SREK1: variants seen among roughly 807,000 people sequenced by gnomAD.
SREK1 encodes the protein splicing regulatory glutamic acid and lysine rich protein 1.
SREK1 carries 13 observed loss-of-function variants against 66.5 expected under a neutral mutation model. The observed-to-expected ratio is 0.20, with a 90% CI of 0.13 to 0.31. The LOEUF is 0.31. Among genes scored for constraint, SREK1 ranks in the 10% least tolerant of loss-of-function variants. The pLI is 1.00. For missense variants in SREK1, 607 were observed against 769.6 expected, an observed-to-expected ratio of 0.79 and a Z score of 2.50; for synonymous variants, 265 against 263.5, an observed-to-expected ratio of 1.01 and a Z score of -0.05.
intron 9 of SREK1, among the ~76,000 whole-genome samples, chr5:66,173,119 C>T (rs1363575276): frequency 1.3e-5 from 2 of 152,014 alleles, no homozygotes; most frequent in Admixed American, 6.6e-5. Context: ...AGACGTGAGC[C>T]GCCACCGCCC....
chr5:66,150,008 C>A (rs1743635185), intron 1 of SREK1, among the ~76,000 whole-genome samples: 1 of 152,178 alleles, frequency 6.6e-6, no homozygotes, highest in Non-Finnish European at 1.5e-5. Context: ...CATTTCTTTG[C>A]ATACCTATTA....
At chr5:66,175,652 A>G (rs1746000184) in intron 10 of SREK1, among the ~76,000 whole-genome samples, 1 of 152,300 alleles carries the variant, frequency 6.6e-6, no homozygotes, top group Non-Finnish European at 1.5e-5. Context: ...TTTTTGAGAG[A>G]TATTTCCTAA....
chr5:66,155,080 C>T (rs1443926365), intron 2 of SREK1, among the ~76,000 whole-genome samples: 1 of 152,102 alleles, frequency 6.6e-6, no homozygotes, highest in African/African-American at 2.4e-5. Context: ...TTGGTTGAAA[C>T]CTGCTTTATT....
rs147922199 is a variant in SREK1 at position 66,174,066 on chromosome 5, A to T, written c.1485-880A>T. 1.2e-3 allele frequency among the ~76,000 whole-genome samples: 178 copies of T among 151,032 alleles called. 2 individuals carry two copies. Among genetic ancestry groups the T allele is most frequent in the Non-Finnish European group, 2.9e-4 (20 of 68,016 alleles). On this transcript the variant is annotated intron_variant, in intron 9 of 11. Transcript: ENST00000334121. ...TCAGTTTCCTGAAATGGTAAGGATAACATGAATTCCAGAGGATTTGGTTTT... is the reference window on the plus strand; with the variant it reads ...TCAGTTTCCTGAAATGGTAAGGATATCATGAATTCCAGAGGATTTGGTTTT...
chr5:66,169,893 T>C, intron 7 of SREK1, 158 bp from the exon 8 acceptor site: 5 of 510,904 alleles, frequency 9.8e-6, no homozygotes, highest in South Asian at 4.9e-5. Flanking sequence ...AAATATCCGG[T>C]AAAGTTTCCA....
chr5:66,158,939 C>A, intron 2 of SREK1: 1 of 1,313,944 alleles, frequency 7.6e-7, no homozygotes. Context: ...ACAGGTGACC[C>A]ATAGCTCAAA....
At chr5:66,170,514 AAGAG>A (rs764118257) in intron 8 of SREK1, 67 bp from the exon 9 acceptor site, 31 of 1,504,544 alleles carry the variant, frequency 2.1e-5, no homozygotes, top group African/African-American at 2.8e-5. Context: ...GTAATTGTTG[AAGAG>A]AGAGAGGTCT....
intron 4 of SREK1, 63 bp downstream of exon 4, chr5:66,162,336 CAT>C: frequency 6.2e-7 from 1 of 1,605,180 alleles, no homozygotes; most frequent in African/African-American, 1.3e-5. Flanking sequence ...TCTTAAAAAT[CAT>C]ATCAGTGGAT....
chr5:66,173,791 A>G (rs1347316020), intron 9 of SREK1, among the ~76,000 whole-genome samples: 1 of 152,204 alleles, frequency 6.6e-6, no homozygotes, highest in African/African-American at 2.4e-5. Context: ...TTTGGTTCTT[A>G]GGCTGAGCTG....
At chr5:66,169,174 CA>C (rs1561510786) in intron 7 of SREK1, 1 of 152,162 alleles carries the variant, frequency 6.6e-6, no homozygotes, top group East Asian at 1.9e-4. Context: ...ATCACATTCT[CA>C]AAAAACTTTT....
At chr5:66,155,376 G>A (rs1366482698) in intron 2 of SREK1, among the ~76,000 whole-genome samples, 23 of 152,134 alleles carry the variant, frequency 1.5e-4, no homozygotes, top group Admixed American at 1.5e-3. Flanking sequence ...TCAGATATAC[G>A]TTTTTCATTA....
chr5:66,159,044 T>G (rs568429259), intron 2 of SREK1, 175 bp from the exon 3 acceptor site: 1 of 1,422,784 alleles, frequency 7.0e-7, no homozygotes, highest in Non-Finnish European at 9.2e-7. Context: ...TTATTTTTCC[T>G]AGTAGAGCAG....
chr5:66,169,318 C>T (rs181245553), intron 7 of SREK1: 1 of 152,146 alleles, frequency 6.6e-6, no homozygotes, highest in Non-Finnish European at 1.5e-5. Context: ...ATTCAAAAGG[C>T]TTCAAAACTT....
chr5:66,177,310 T>C (rs1746139450), intron 10 of SREK1: 1 of 423,242 alleles, frequency 2.4e-6, no homozygotes, highest in Non-Finnish European at 4.2e-6. Context: ...ATGACTTGTG[T>C]ATCCTTAAGA....
chr5:66,175,631 C>T (rs1316842454), intron 10 of SREK1, among the ~76,000 whole-genome samples: 2 of 152,078 alleles, frequency 1.3e-5, no homozygotes, highest in African/African-American at 4.8e-5. Context: ...AGATAATAAG[C>T]ATGTTTGTAA....
At chr5:66,150,944 A>T (rs1165637525) in intron 1 of SREK1, among the ~76,000 whole-genome samples, 1 of 151,896 alleles carries the variant, frequency 6.6e-6, no homozygotes, top group Non-Finnish European at 1.5e-5. Flanking sequence ...GGGTTCAAGC[A>T]ATTCTTGTGC....
intron 1 of SREK1, among the ~76,000 whole-genome samples, chr5:66,147,446 A>G (rs1743341817): frequency 6.6e-6 from 1 of 152,174 alleles, no homozygotes; most frequent in Non-Finnish European, 1.5e-5. Flanking sequence ...TACAAAGTAA[A>G]CATACCTATA....
At position 66,170,624 on chromosome 5, in the gene SREK1, G is replaced by T. The variant is rs1478470809; in HGVS notation, c.1161G>T (p.Lys387Asn). 3.1e-6 allele frequency: 5 copies of T among 1,610,878 alleles called. No homozygotes were observed. The African/African-American group carries it at 5.4e-5, about 17-fold the overall frequency. Residue 387 changes from lysine to asparagine, a missense_variant, in exon 9 of 12, where the codon AAG becomes AAT. Lys to Asn is a moderately conservative substitution (Grantham distance 94, BLOSUM62 0). Coordinates refer to ENST00000334121, the MANE Select transcript of SREK1 (RefSeq NM_001077199.3). ...ACACTCGAGAAAAGATCAAGGAAAA[G>T]GAAAGAGTGAAAGAGAAAGACAGGG... ...RKDTREKIKE[K>N]ERVKEKDREK...
intron 11 of SREK1, among the ~76,000 whole-genome samples, chr5:66,178,241 G>A (rs1746228616): frequency 6.6e-6 from 1 of 151,956 alleles, no homozygotes; most frequent in Admixed American, 6.6e-5. Context: ...CATTTATTAA[G>A]CATTTACGAT....
Sources: allele counts gnomAD v4.1 joint callset (sites outside exome capture counted in the v4.1 genomes callset), GRCh38; gene constraint gnomAD v4.1.1; transcripts MANE v1.5; gene names NCBI Gene and HGNC (gene_info 2026-07-23, HGNC 2026-07-21).